The following MALRD1 variants were observed in gnomAD, a reference collection of about 807,000 sequenced individuals.
The protein encoded by MALRD1 is MAM and LDL receptor class A domain containing 1.
MALRD1 carries 247 observed loss-of-function variants against 242.1 expected under a neutral mutation model. The ratio of observed to expected loss-of-function variants is 1.02; its 90% confidence interval spans 0.92 to 1.13. The LOEUF is 1.13. Ranked by LOEUF, MALRD1 falls within the 50% of genes most tolerant of loss-of-function variation. The probability of loss-of-function intolerance (pLI) is 0.00; values close to 1 mark genes in which losing one functional copy is unlikely to be tolerated. For synonymous variants in MALRD1, 995 were observed against 866.6 expected, an observed-to-expected ratio of 1.15 and a Z score of -2.60; for missense variants, 2,989 against 2,533.1, an observed-to-expected ratio of 1.18 and a Z score of -3.86.
At chr10:19,287,734 T>C (rs1841195743) in intron 21 of MALRD1, among the ~76,000 whole-genome samples, 1 of 152,160 alleles carries the variant, frequency 6.6e-6, no homozygotes, top group Non-Finnish European at 1.5e-5. Flanking sequence ...TTTGTGTAAC[T>C]GTGTTCTATG....
intron 10 of MALRD1, among the ~76,000 whole-genome samples, chr10:19,143,283 G>A (rs1234193038): frequency 1.3e-5 from 2 of 152,164 alleles, no homozygotes; most frequent in African/African-American, 4.8e-5. Context: ...GCGGTTGAGC[G>A]ACTAGCTCAA....
At chr10:19,644,190 T>G (rs1306567761) in intron 36 of MALRD1, among the ~76,000 whole-genome samples, 1 of 152,226 alleles carries the variant, frequency 6.6e-6, no homozygotes, top group Non-Finnish European at 1.5e-5. Context: ...GGAACCCTGA[T>G]AAACTCCTCA....
At chr10:19,084,762 G>A (rs971060436) in intron 2 of MALRD1, among the ~76,000 whole-genome samples, 5 of 151,622 alleles carry the variant, frequency 3.3e-5, no homozygotes, top group Non-Finnish European at 7.4e-5. Flanking sequence ...ATCAAACTTG[G>A]GATTTCATTC....
chr10:19,305,913 A>C (rs1842150706), intron 21 of MALRD1, among the ~76,000 whole-genome samples: 1 of 130,680 alleles, frequency 7.7e-6, no homozygotes, highest in East Asian at 2.1e-4. Context: ...TATATACTAT[A>C]TTATATATTA....
At chr10:19,591,797 C>T (rs1375281258) in intron 33 of MALRD1, among the ~76,000 whole-genome samples, 3 of 152,300 alleles carry the variant, frequency 2.0e-5, no homozygotes, top group Non-Finnish European at 2.9e-5. Context: ...TATGCCCATC[C>T]GGCCACACTT....
intron 21 of MALRD1, among the ~76,000 whole-genome samples, chr10:19,312,577 C>G (rs1341263162): frequency 6.6e-6 from 1 of 151,074 alleles, no homozygotes; most frequent in South Asian, 2.1e-4. Context: ...ATTTTAAACA[C>G]AAGATACTTT....
At chr10:19,457,102 T>C (rs1835700660) in intron 29 of MALRD1, among the ~76,000 whole-genome samples, 1 of 152,218 alleles carries the variant, frequency 6.6e-6, no homozygotes, top group African/African-American at 2.4e-5. Flanking sequence ...TCATATTTAA[T>C]TGAATCCTTA....
chr10:19,050,330 G>A (rs1192954074), intron 1 of MALRD1, among the ~76,000 whole-genome samples: 4 of 150,336 alleles, frequency 2.7e-5, no homozygotes, highest in Non-Finnish European at 4.4e-5. Flanking sequence ...CTCGTGATCC[G>A]CCCGCCTCGG....
intron 28 of MALRD1, among the ~76,000 whole-genome samples, chr10:19,410,519 T>C (rs10827375): frequency 0.72 from 110,104 of 151,920 alleles, 40,241 homozygotes; most frequent in African/African-American, 0.79. Flanking sequence ...CCTCTGAAAA[T>C]CTAAATTAAA....
chr10:19,601,239 T>A (rs1165977101), intron 34 of MALRD1, among the ~76,000 whole-genome samples: 1 of 152,072 alleles, frequency 6.6e-6, no homozygotes, highest in Non-Finnish European at 1.5e-5. Flanking sequence ...TACCAAAAAA[T>A]AGATATTATT....
chr10:19,284,046 A>G (rs912885810), intron 21 of MALRD1, among the ~76,000 whole-genome samples: 14 of 152,182 alleles, frequency 9.2e-5, no homozygotes, highest in Non-Finnish European at 2.1e-4. Context: ...TCTGAATGGA[A>G]CACAAAGGGA....
chr10:19,321,837 G>A (rs1470133814), intron 21 of MALRD1, among the ~76,000 whole-genome samples: 3 of 152,110 alleles, frequency 2.0e-5, no homozygotes, highest in East Asian at 3.9e-4. Flanking sequence ...GTTTTAAGAA[G>A]TGGATTGGGG....
chr10:19,631,589 A>T (rs1373745377), intron 36 of MALRD1, among the ~76,000 whole-genome samples: 1 of 152,152 alleles, frequency 6.6e-6, no homozygotes, highest in Non-Finnish European at 1.5e-5. Flanking sequence ...ACAATGGTTG[A>T]ACTAATTTAC....
intron 32 of MALRD1, among the ~76,000 whole-genome samples, chr10:19,534,257 A>G (rs1834551150): frequency 6.6e-6 from 1 of 152,188 alleles, no homozygotes; most frequent in African/African-American, 2.4e-5. Flanking sequence ...AGCTGGGGCA[A>G]ATCTTATTTT....
chr10:19,470,134 T>A (rs1836424115), intron 29 of MALRD1, among the ~76,000 whole-genome samples: 1 of 152,012 alleles, frequency 6.6e-6, no homozygotes, highest in Non-Finnish European at 1.5e-5. Flanking sequence ...ACTCTGGCAA[T>A]CACCATTCTA....
chr10:19,301,998 G>A (rs1173926043), intron 21 of MALRD1, among the ~76,000 whole-genome samples: 1 of 151,762 alleles, frequency 6.6e-6, no homozygotes, highest in Admixed American at 6.6e-5. Context: ...ACAGCTAAAA[G>A]TCAAATAAAA....
chr10:19,336,964 A>G (rs1843640930), intron 24 of MALRD1, among the ~76,000 whole-genome samples: 1 of 152,218 alleles, frequency 6.6e-6, no homozygotes, highest in African/African-American at 2.4e-5. Flanking sequence ...AGTATATATC[A>G]TTAAATGAAA....
chr10:19,725,018 A>T (rs184439819), intron 38 of MALRD1: 1 of 152,230 alleles, frequency 6.6e-6, no homozygotes, highest in Admixed American at 6.5e-5. Context: ...AATTTAACCA[A>T]TGAGGTGAAA....
chr10:19,148,788 A>AAAAATATATAT (rs1206724666), intron 11 of MALRD1, among the ~76,000 whole-genome samples: 1 of 88,042 alleles, frequency 1.1e-5, no homozygotes, highest in Admixed American at 1.1e-4. Flanking sequence ...AAAAAAAAAA[A>AAAAATATATAT]ATATATATAT....
Sources: allele counts gnomAD v4.1 joint callset (sites outside exome capture counted in the v4.1 genomes callset), GRCh38; gene constraint gnomAD v4.1.1; transcripts MANE v1.5; gene names NCBI Gene and HGNC (gene_info 2026-07-23, HGNC 2026-07-21).